The following DBT variants were observed in gnomAD, a reference collection of about 807,000 sequenced individuals.
DBT encodes the protein lipoamide acyltransferase component of branched-chain alpha-keto acid dehydrogenase complex, mitochondrial.
In DBT, 40 loss-of-function variants were observed where a neutral mutation model predicts 51.3. That is an observed-to-expected ratio of 0.78 (90% CI 0.61 to 1.02). The LOEUF (loss-of-function observed/expected upper bound fraction) is 1.02. Among genes scored for constraint, DBT ranks in the 50% least tolerant of loss-of-function variants. The probability of loss-of-function intolerance (pLI) is 0.00; values close to 1 mark genes in which losing one functional copy is unlikely to be tolerated. For synonymous variants in DBT, 181 were observed against 190.4 expected (o/e 0.95, Z 0.41); for missense variants, 510 against 580.2 (o/e 0.88, Z 1.24).
At chr1:100,248,067 A>T (rs1664650555) in intron 1 of DBT, among the ~76,000 whole-genome samples, 1 of 149,356 alleles carries the variant, frequency 6.7e-6, no homozygotes, top group Non-Finnish European at 1.5e-5. Flanking sequence ...GCACCACTGT[A>T]CTCCAGCCTG....
At chr1:100,230,423 T>C (rs1022146296) in intron 4 of DBT, among the ~76,000 whole-genome samples, 3 of 152,176 alleles carry the variant, frequency 2.0e-5, no homozygotes, top group Non-Finnish European at 4.4e-5. Flanking sequence ...ACCTGAATGT[T>C]TGAGTCATTA....
At chr1:100,203,352 G>C (rs1361228647) in intron 10 of DBT, among the ~76,000 whole-genome samples, 1 of 152,162 alleles carries the variant, frequency 6.6e-6, no homozygotes, top group Non-Finnish European at 1.5e-5. Flanking sequence ...AAATCTAGAA[G>C]AAATGGATAA....
chr1:100,244,660 T>C (rs943325440), intron 1 of DBT, among the ~76,000 whole-genome samples: 1 of 152,188 alleles, frequency 6.6e-6, no homozygotes, highest in African/African-American at 2.4e-5. Context: ...GTTTTTCCTA[T>C]ATATACATAC....
At chr1:100,227,676 T>C (rs1258005287) in intron 4 of DBT, among the ~76,000 whole-genome samples, 1 of 152,236 alleles carries the variant, frequency 6.6e-6, no homozygotes, top group African/African-American at 2.4e-5. Context: ...ATTATCCTAG[T>C]TCAGTGTTTA....
chr1:100,242,456 T>A (rs373089139), intron 1 of DBT, among the ~76,000 whole-genome samples: 25 of 152,296 alleles, frequency 1.6e-4, no homozygotes, highest in Admixed American at 1.1e-3. Flanking sequence ...AAACTGAAGA[T>A]CCCTTTCCTA....
intron 7 of DBT, among the ~76,000 whole-genome samples, chr1:100,211,658 T>C (rs1662152329): frequency 6.6e-6 from 1 of 152,182 alleles, no homozygotes; most frequent in Non-Finnish European, 1.5e-5. Context: ...AAAGTTTAAA[T>C]ATATAGAGAC....
chr1:100,236,425 T>A (rs2100836407), intron 2 of DBT, among the ~76,000 whole-genome samples: 1 of 152,368 alleles, frequency 6.6e-6, no homozygotes, highest in Admixed American at 6.5e-5. Context: ...TAGACTGCTG[T>A]TAACCATATT....
In DBT at chr1:100,189,316, G is replaced by C. The variant is rs1660704467; in HGVS notation, c.*6939C>G. The C allele has an allele frequency of 6.8e-6, 1 of 146,638 alleles. No homozygotes were observed. Among genetic ancestry groups the C allele is most frequent in the East Asian group, 2.0e-4 (1 of 4,994 alleles). 9.1% of individuals were successfully genotyped at this position (146,638 alleles called of 1,614,324 possible). On this transcript the variant is annotated 3_prime_UTR_variant, in exon 11 of 11. Transcript: ENST00000370132. ...GCCGAGATCGCACCACTGCACTCTA[G>C]TCGGGGTGACAGAGTGAGACTCCAT...
At chr1:100,231,728 A>G (rs184687600) in intron 3 of DBT, among the ~76,000 whole-genome samples, 151 of 152,342 alleles carry the variant, frequency 9.9e-4, no homozygotes, top group Middle Eastern at 3.4e-3. Flanking sequence ...GCTCTTCCAT[A>G]TGAGCAACAA....
intron 4 of DBT, among the ~76,000 whole-genome samples, chr1:100,220,159 A>C (rs1176261720): frequency 6.6e-6 from 1 of 152,118 alleles, no homozygotes; most frequent in Non-Finnish European, 1.5e-5. Flanking sequence ...AAAAAAGGAA[A>C]AGAAAAAAGA....
chr1:100,190,841 G>A lies in DBT; in HGVS notation c.*5414C>T, dbSNP rs959294255. 4.6e-5 allele frequency: 7 copies of A among 152,212 alleles called. No homozygotes were observed. The South Asian group carries it at 6.2e-4, about 14-fold the overall frequency. 9.4% of individuals were successfully genotyped at this position (152,212 alleles called of 1,614,324 possible). ...CTTATTATGACAAGCCTGGGAAGAC[G>A]TTTGGGTAGGTGCTTAAAATTAGAA... On this transcript the variant is annotated 3_prime_UTR_variant, in exon 11 of 11. Coordinates refer to ENST00000370132, the MANE Select transcript of DBT (RefSeq NM_001918.5).
In DBT at chr1:100,206,556, A is replaced by C. The variant is rs1422504862; in HGVS notation, c.1098T>G (p.Ser366=). Residue 366 remains serine, a synonymous_variant, in exon 9 of 11, where the codon TCT becomes TCG. Coordinates refer to ENST00000370132, the MANE Select transcript of DBT (RefSeq NM_001918.5). ...TCAGTTCAGTGGCGATGTCAAATAT[A>C]GAGCAGATCTGAACATTTTTCACAT... ...VPNVKNVQIC[S]IFDIATELNR... The C allele has an allele frequency of 6.2e-7, 1 of 1,611,894 alleles. No homozygotes were observed. The highest frequency in any genetic ancestry group is 1.1e-5 in the South Asian group (1 of 91,024).
chr1:100,203,903 C>G (rs754750834), intron 10 of DBT, among the ~76,000 whole-genome samples: 8 of 152,124 alleles, frequency 5.3e-5, no homozygotes, highest in South Asian at 2.1e-4. Flanking sequence ...ATTTAACACC[C>G]CTTCATGCTA....
chr1:100,247,843 T>C (rs904694295), intron 1 of DBT, among the ~76,000 whole-genome samples: 10 of 151,692 alleles, frequency 6.6e-5, no homozygotes, highest in African/African-American at 2.4e-4. Context: ...TGGCTCATCC[T>C]GTAATCCCAG....
At chr1:100,227,764 A>T (rs879874093) in intron 4 of DBT, among the ~76,000 whole-genome samples, 1 of 152,238 alleles carries the variant, frequency 6.6e-6, no homozygotes, top group African/African-American at 2.4e-5. Flanking sequence ...AACATGATCT[A>T]TGATGTATTC....
intron 10 of DBT, among the ~76,000 whole-genome samples, chr1:100,201,423 T>C (rs1344010631): frequency 2.6e-5 from 4 of 151,850 alleles, no homozygotes; most frequent in Non-Finnish European, 5.9e-5. Context: ...CAAAACTACG[T>C]TTGATTGGTG....
rs577842947 is a variant in DBT at position 100,230,777 on chromosome 1, T to C, written c.389A>G (p.Tyr130Cys). Residue 130 changes from tyrosine (Y) to cysteine (C), a missense_variant, in exon 4 of 11, where the codon TAT (tyrosine) becomes TGT (cysteine). Transcript: ENST00000370132. The part of the protein sequence containing the change: ...KLYYNLDDIA[Y>C]VGKPLVDIET... ...TATGTCTACTAATGGCTTCCCCACA[T>C]AGGCAATATCGTCTAGATTATAATA... 11 of 1,611,586 alleles carry C rather than the reference T, an allele frequency of 6.8e-6. No individual in the cohort carries two copies. In the East Asian group the frequency reaches 1.1e-4, roughly 16 times the overall value.
intron 2 of DBT, among the ~76,000 whole-genome samples, chr1:100,238,371 C>T (rs1189316620): frequency 7.6e-6 from 1 of 132,234 alleles, no homozygotes; most frequent in Non-Finnish European, 1.6e-5. Flanking sequence ...CTCATCACGT[C>T]CCTTCCAGTC....
intron 9 of DBT, 44 bp from the exon 10 acceptor site, chr1:100,206,345 T>C: frequency 6.3e-7 from 1 of 1,584,928 alleles, no homozygotes; most frequent in Non-Finnish European, 8.7e-7. Flanking sequence ...AAAGTTAAGA[T>C]TTTTCAGGGA....
Sources: allele counts gnomAD v4.1 joint callset (sites outside exome capture counted in the v4.1 genomes callset), GRCh38; gene constraint gnomAD v4.1.1; transcripts MANE v1.5; gene names NCBI Gene and HGNC (gene_info 2026-07-23, HGNC 2026-07-21).